The following SGCD variants were observed in gnomAD, a reference collection of about 807,000 sequenced individuals.
The protein encoded by SGCD is sarcoglycan delta, also known as delta-sarcoglycan.
A neutral mutation model predicts 36.6 loss-of-function variants in SGCD; 18 were observed. The ratio of observed to expected loss-of-function variants is 0.49; its 90% CI spans 0.34 to 0.73. The LOEUF is 0.73. Ranked by LOEUF, SGCD falls within the 30% of genes least tolerant of loss-of-function variation. SGCD has a pLI of 0.01. For synonymous variants in SGCD, 133 were observed against 130.6 expected, an observed-to-expected ratio of 1.02 and a Z score of -0.12; for missense variants, 387 against 346.7, an observed-to-expected ratio of 1.12 and a Z score of -0.92.
At chr5:156,128,740 T>G (rs1164625685) in intron 3 of SGCD, among the ~76,000 whole-genome samples, 1 of 152,220 alleles carries the variant, frequency 6.6e-6, no homozygotes, top group Non-Finnish European at 1.5e-5. Flanking sequence ...AGACATGCTT[T>G]GTTTCCCCTT....
At chr5:156,669,689 G>A (rs1753209151) in intron 7 of SGCD, among the ~76,000 whole-genome samples, 1 of 152,128 alleles carries the variant, frequency 6.6e-6, no homozygotes, top group African/African-American at 2.4e-5. Context: ...CTTCTCCTCA[G>A]TATCATGTAG....
intron 3 of SGCD, among the ~76,000 whole-genome samples, chr5:156,440,702 T>C (rs756577163): frequency 1.5e-4 from 23 of 152,148 alleles, no homozygotes; most frequent in Non-Finnish European, 3.1e-4. Context: ...CATTTCCCTA[T>C]TGATGAATGA....
chr5:155,880,326 T>A (rs1319228196), intron 1 of SGCD, among the ~76,000 whole-genome samples: 1 of 152,126 alleles, frequency 6.6e-6, no homozygotes, highest in African/African-American at 2.4e-5. Flanking sequence ...ACCACTGCTT[T>A]AAAAAATGTT....
the SGCD span, among the ~76,000 whole-genome samples, chr5:155,839,342 G>A: frequency 1.3e-5 from 2 of 152,250 alleles, no homozygotes; most frequent in South Asian, 4.1e-4. Flanking sequence ...TTGTTTATGG[G>A]AGGCCAGCAA....
intron 3 of SGCD, chr5:156,458,431 G>A: frequency 1.2e-6 from 2 of 1,608,822 alleles, no homozygotes; most frequent in South Asian, 1.1e-5. Flanking sequence ...ACACCAATCT[G>A]AGGGTCAAAC....
At chr5:156,720,466 G>A (rs1207063638) in intron 7 of SGCD, among the ~76,000 whole-genome samples, 1 of 152,118 alleles carries the variant, frequency 6.6e-6, no homozygotes, top group African/African-American at 2.4e-5. Flanking sequence ...TGCTTTGTTC[G>A]GGGAAGAGCA....
intron 1 of SGCD, among the ~76,000 whole-genome samples, chr5:156,102,045 A>G (rs1581100210): frequency 6.6e-6 from 1 of 151,456 alleles, no homozygotes; most frequent in Non-Finnish European, 1.5e-5. Flanking sequence ...ACTTCCCTTC[A>G]TTACACTTGC....
chr5:156,345,793 A>G (rs889191479), intron 3 of SGCD, among the ~76,000 whole-genome samples: 4 of 152,222 alleles, frequency 2.6e-5, no homozygotes, highest in African/African-American at 7.2e-5. Flanking sequence ...TTTTCATGTG[A>G]CAATCCCAAA....
intron 7 of SGCD, among the ~76,000 whole-genome samples, chr5:156,664,297 T>C (rs1251394621): frequency 7.6e-6 from 1 of 131,630 alleles, no homozygotes; most frequent in Non-Finnish European, 1.6e-5. Context: ...TTTTAATGGC[T>C]TAATGGCTGA....
At chr5:156,416,010 A>G (rs974689469) in intron 3 of SGCD, among the ~76,000 whole-genome samples, 7 of 152,244 alleles carry the variant, frequency 4.6e-5, no homozygotes, top group African/African-American at 7.2e-5. Flanking sequence ...TCTTAGAGCA[A>G]TTACAGTTAT....
intron 3 of SGCD, among the ~76,000 whole-genome samples, chr5:156,247,213 A>G (rs1765460148): frequency 6.6e-6 from 1 of 152,152 alleles, no homozygotes; most frequent in African/African-American, 2.4e-5. Context: ...TTTATTCTGG[A>G]TATAGGAAGG....
chr5:156,089,534 C>T (rs986962163), intron 1 of SGCD, among the ~76,000 whole-genome samples: 1 of 152,206 alleles, frequency 6.6e-6, no homozygotes, highest in Non-Finnish European at 1.5e-5. Context: ...CTGTAACTCT[C>T]TCAAATTTAG....
chr5:155,774,572 T>C, the SGCD span, among the ~76,000 whole-genome samples: 7 of 152,142 alleles, frequency 4.6e-5, no homozygotes, highest in Non-Finnish European at 1.0e-4. Context: ...GTTCCTGGCT[T>C]TTTCAGTGTT....
intron 1 of SGCD, among the ~76,000 whole-genome samples, chr5:156,056,659 A>AAAAAAAAAAAAAAAAAAAACAAAAAAC (rs1330447322): frequency 2.1e-5 from 3 of 141,888 alleles, no homozygotes; most frequent in African/African-American, 7.7e-5. Context: ...AAAAAAAAAA[A>AAAAAAAAAAAAAAAAAAAACAAAAAAC]AAAAAACAGT....
chr5:156,636,220 C>T (rs1322922512), intron 6 of SGCD, among the ~76,000 whole-genome samples: 1 of 152,092 alleles, frequency 6.6e-6, no homozygotes, highest in Non-Finnish European at 1.5e-5. Context: ...CAGGCTTACT[C>T]GTTTACTTAC....
At chr5:156,029,862 G>A (rs182488429) in intron 1 of SGCD, among the ~76,000 whole-genome samples, 6 of 151,708 alleles carry the variant, frequency 4.0e-5, no homozygotes, top group Admixed American at 2.0e-4. Flanking sequence ...ATACAGCTTC[G>A]CTACTTGGAA....
At chr5:156,316,048 T>G (rs1767510850) in intron 3 of SGCD, among the ~76,000 whole-genome samples, 1 of 151,774 alleles carries the variant, frequency 6.6e-6, no homozygotes. Flanking sequence ...GTTTGAGGAG[T>G]GTATTAACTT....
chr5:156,368,807 G>A (rs1461769024), intron 3 of SGCD, among the ~76,000 whole-genome samples: 3 of 152,136 alleles, frequency 2.0e-5, no homozygotes, highest in Non-Finnish European at 4.4e-5. Context: ...CCCCCAGATT[G>A]GACTGTATGG....
chr5:156,142,823 T>C (rs1168872621), intron 3 of SGCD, among the ~76,000 whole-genome samples: 1 of 152,170 alleles, frequency 6.6e-6, no homozygotes, highest in Non-Finnish European at 1.5e-5. Context: ...GGAATTTAAA[T>C]GTAAAAGGGA....
Sources: gnomAD v4.1 joint callset for allele counts (sites outside exome capture counted in the v4.1 genomes callset) on GRCh38, gnomAD v4.1.1 for gene constraint, MANE v1.5 for transcripts, NCBI Gene and HGNC (gene_info 2026-07-23, HGNC 2026-07-21) for gene names.